ADAM17: variants seen among roughly 807,000 people sequenced by gnomAD.
ADAM17 encodes the protein disintegrin and metalloproteinase domain-containing protein 17.
ADAM17 carries 39 observed loss-of-function variants against 96.7 expected under a neutral mutation model. That is an observed-to-expected ratio of 0.40 (90% CI 0.31 to 0.53). The LOEUF (loss-of-function observed/expected upper bound fraction) is 0.53. Among genes scored for constraint, ADAM17 ranks in the 20% least tolerant of loss-of-function variants. The probability of loss-of-function intolerance (pLI) is 0.44; values close to 1 mark genes in which losing one functional copy is unlikely to be tolerated. For missense variants in ADAM17, 777 were observed against 1,013.2 expected, an observed-to-expected ratio of 0.77 and a Z score of 3.17; for synonymous variants, 344 against 359.2, an observed-to-expected ratio of 0.96 and a Z score of 0.48.
At chr2:9,550,265 T>A (rs1160830085) in intron 1 of ADAM17, among the ~76,000 whole-genome samples, 1 of 152,006 alleles carries the variant, frequency 6.6e-6, no homozygotes, top group Non-Finnish European at 1.5e-5. Flanking sequence ...TATGAGCTGC[T>A]TCAACTAATT....
intron 17 of ADAM17, among the ~76,000 whole-genome samples, chr2:9,491,913 C>T (rs1400916677): frequency 3.3e-5 from 5 of 152,338 alleles, no homozygotes; most frequent in Middle Eastern, 3.4e-3. Flanking sequence ...TTCCATCCTC[C>T]AATAGAAGCA....
intron 8 of ADAM17, among the ~76,000 whole-genome samples, chr2:9,520,942 C>T: frequency 1.8e-5 from 1 of 54,796 alleles, no homozygotes; most frequent in Non-Finnish European, 4.2e-5. Context: ...CCAGCCAGGG[C>T]AACAAGAGTG....
At chr2:9,510,267 C>G (rs757571933) in intron 10 of ADAM17, 136 bp from the exon 11 acceptor site, 19 of 1,001,210 alleles carry the variant, frequency 1.9e-5, no homozygotes, top group Non-Finnish European at 2.6e-5. Flanking sequence ...GCTTATAATA[C>G]CAGCACTTTA....
chr2:9,539,375 A>G (rs371059421), intron 2 of ADAM17, among the ~76,000 whole-genome samples: 1 of 152,168 alleles, frequency 6.6e-6, no homozygotes, highest in Non-Finnish European at 1.5e-5. Context: ...TCGGCCTCCC[A>G]AAGTGCTGGG....
intron 10 of ADAM17, among the ~76,000 whole-genome samples, chr2:9,516,656 A>G (rs1221455225): frequency 6.6e-6 from 1 of 152,044 alleles, no homozygotes; most frequent in Non-Finnish European, 1.5e-5. Context: ...AGGAGGTTGA[A>G]GCAGGAGAAC....
chr2:9,488,526 A>G lies in ADAM17; in HGVS notation c.*1651T>C, dbSNP rs536095125. 7 of 444,906 alleles carry G rather than the reference A, an allele frequency of 1.6e-5. No individual in the cohort carries two copies. In the South Asian group the frequency reaches 3.9e-4, roughly 25 times the overall value. 27.6% of individuals were successfully genotyped at this position (444,906 alleles called of 1,614,324 possible). A position where few individuals can be genotyped will look rare whatever the true frequency, so the allele number is the denominator to read the frequency against. ...ATTTATTAATGCAGATATCAGTGCT[A>G]CAGCTATAAAATATACCCTGAGCAG... On this transcript the variant is annotated 3_prime_UTR_variant, in exon 19 of 19. Transcript: ENST00000310823.
chr2:9,551,032 G>A lies in ADAM17; in HGVS notation c.97+4477C>T, dbSNP rs528140331. ...GGAGGTTGCAGTAAGCCAAGATTGCGCCACTGCGCTCCAGCCTGGGTGACA... is the reference window on the plus strand; with the variant it reads ...GGAGGTTGCAGTAAGCCAAGATTGCACCACTGCGCTCCAGCCTGGGTGACA... On this transcript the variant is annotated intron_variant, in intron 1 of 18. Transcript: ENST00000310823. 2.7e-5 allele frequency among the ~76,000 whole-genome samples: 4 copies of A among 150,938 alleles called. No homozygotes were observed. In the South Asian group the frequency reaches 8.4e-4, roughly 32 times the overall value.
rs1234369493 is a variant in ADAM17 at position 9,520,988 on chromosome 2, G to GAAAAAAAA, written c.957+214_957+215insTTTTTTTT. Among the ~76,000 whole-genome samples the GAAAAAAAA allele has an allele frequency of 5.8e-3, 648 of 112,062 alleles. 52 individuals carry two copies. The highest frequency in any genetic ancestry group is 0.019 in the African/African-American group (570 of 30,366). 73.5% of individuals were successfully genotyped at this position (112,062 alleles called of 152,430 possible). ...TCAAAAAAAAAAAAAAAAAAAAAAG[G>GAAAAAAAA]AAGCATTGCTTTATAGCGTTTTTCT... On this transcript the variant is annotated intron_variant, in intron 8 of 18. Coordinates refer to ENST00000310823, the MANE Select transcript of ADAM17 (RefSeq NM_003183.6).
intron 5 of ADAM17, among the ~76,000 whole-genome samples, chr2:9,526,969 G>A (rs1270462079): frequency 6.6e-6 from 1 of 151,912 alleles, no homozygotes; most frequent in African/African-American, 2.4e-5. Flanking sequence ...ACTTTCTTGT[G>A]AAATAAATTA....
At chr2:9,509,856 T>C (rs1663635785) in intron 11 of ADAM17, 123 bp downstream of exon 11, 6 of 1,273,046 alleles carry the variant, frequency 4.7e-6, no homozygotes, top group Non-Finnish European at 5.4e-6. Context: ...CAAGGTACTT[T>C]GTAATTTGCA....
At chr2:9,553,696 AAAAAG>A (rs1239391003) in intron 1 of ADAM17, among the ~76,000 whole-genome samples, 7 of 151,200 alleles carry the variant, frequency 4.6e-5, no homozygotes, top group Admixed American at 1.3e-4. Context: ...AAAAAGAAAG[AAAAAG>A]AAAAGAAAAG....
At chr2:9,528,529 C>G (rs1664617162) in intron 4 of ADAM17, among the ~76,000 whole-genome samples, 1 of 152,190 alleles carries the variant, frequency 6.6e-6, no homozygotes. Context: ...TAAACAAAAT[C>G]TCCACTTACA....
chr2:9,530,463 T>C (rs532499320), intron 4 of ADAM17, among the ~76,000 whole-genome samples: 1 of 152,342 alleles, frequency 6.6e-6, no homozygotes, highest in Non-Finnish European at 1.5e-5. Context: ...ATGTAGGTAA[T>C]AAATCTAGTT....
At chr2:9,519,117 C>A (rs1051332381) in intron 8 of ADAM17, among the ~76,000 whole-genome samples, 3 of 152,160 alleles carry the variant, frequency 2.0e-5, no homozygotes, top group African/African-American at 7.2e-5. Context: ...TAGCCTTGAA[C>A]TCCTGGGCTC....
chr2:9,548,639 A>G (rs1665488303), intron 1 of ADAM17, among the ~76,000 whole-genome samples: 1 of 152,166 alleles, frequency 6.6e-6, no homozygotes, highest in South Asian at 2.1e-4. Context: ...TTCCTTATAC[A>G]CAGTTGCAAT....
At chr2:9,540,864 G>C (rs145601975) in intron 2 of ADAM17, among the ~76,000 whole-genome samples, 6 of 152,296 alleles carry the variant, frequency 3.9e-5, no homozygotes, top group African/African-American at 9.6e-5. Context: ...CCTTTAGAGG[G>C]GTGACAGTTA....
chr2:9,511,191 G>A (rs1346327015), intron 10 of ADAM17, among the ~76,000 whole-genome samples: 1 of 152,212 alleles, frequency 6.6e-6, no homozygotes, highest in Non-Finnish European at 1.5e-5. Flanking sequence ...GCTCACACCT[G>A]TAATCCCAGC....
chr2:9,495,609 G>A (rs1662515828), intron 14 of ADAM17, among the ~76,000 whole-genome samples: 1 of 151,856 alleles, frequency 6.6e-6, no homozygotes. Context: ...AGCTACTCAG[G>A]AGGCTGAGGC....
intron 11 of ADAM17, among the ~76,000 whole-genome samples, chr2:9,507,966 C>T (rs553614492): frequency 9.2e-5 from 14 of 152,296 alleles, no homozygotes; most frequent in African/African-American, 3.4e-4. Context: ...CCCACCTCGG[C>T]CTCTCAAAGT....
Sources: allele counts gnomAD v4.1 joint callset (sites outside exome capture counted in the v4.1 genomes callset), GRCh38; gene constraint gnomAD v4.1.1; transcripts MANE v1.5; gene names NCBI Gene and HGNC (gene_info 2026-07-23, HGNC 2026-07-21).